Variants in DLC1 observed in about 807,000 individuals in gnomAD.
The protein encoded by DLC1 is DLC1 Rho GTPase activating protein.
In DLC1, 54 loss-of-function variants were observed where a neutral mutation model predicts 140.3. The ratio of observed to expected loss-of-function variants is 0.38; its 90% CI spans 0.31 to 0.48. The LOEUF is 0.48. DLC1 is among the 20% of genes least tolerant of loss of function. The pLI is 0.96. For missense variants in DLC1, 2,536 were observed against 1,907.0 expected (o/e 1.33, Z -6.14); for synonymous variants, 986 against 728.1 (o/e 1.35, Z -5.70).
intron 5 of DLC1, among the ~76,000 whole-genome samples, chr8:13,184,647 T>A (rs918845583): frequency 3.9e-5 from 6 of 152,202 alleles, no homozygotes; most frequent in African/African-American, 1.2e-4. Context: ...AATTTGACTG[T>A]ACTGTGGTCT....
intron 5 of DLC1, among the ~76,000 whole-genome samples, chr8:13,263,696 CATTTTT>C (rs1002639686): frequency 4.0e-5 from 6 of 150,458 alleles, no homozygotes; most frequent in African/African-American, 1.5e-4. Context: ...TTATTCATAC[CATTTTT>C]ATTTTTATGT....
chr8:13,102,758 C>G (rs370028341), intron 8 of DLC1, 32 bp downstream of exon 8: 2 of 1,589,786 alleles, frequency 1.3e-6, no homozygotes, highest in African/African-American at 2.7e-5. Flanking sequence ...CCCCTTTTCC[C>G]CCTCATTCTA....
In DLC1 at chr8:13,401,465, C is replaced by G. The variant is rs1159587345; in HGVS notation, c.1173+5G>C. ...GGGAAAAGAAGTAGAAAGTGGAAAG[C>G]TCACAGGAACGTGCCGCCGCAGGTT... On this transcript the variant is annotated splice_donor_5th_base_variant and intron_variant, in intron 3 of 17. Coordinates refer to ENST00000276297, the MANE Select transcript of DLC1 (RefSeq NM_182643.3). 1 of 1,611,654 alleles carries G rather than the reference C, an allele frequency of 6.2e-7. No homozygotes were observed. Among genetic ancestry groups the G allele is most frequent in the Admixed American group, 1.7e-5 (1 of 59,930 alleles).
chr8:13,525,910 C>T (rs1802908237), intron 1 of DLC1, among the ~76,000 whole-genome samples: 2 of 152,086 alleles, frequency 1.3e-5, no homozygotes, highest in African/African-American at 4.8e-5. Flanking sequence ...TCTAAGATCA[C>T]AAAGATTTCT....
rs116912153 is a variant in DLC1, at chr8:13,255,606, T to G, written c.1348+49663A>C. Among the ~76,000 whole-genome samples the G allele has an allele frequency of 6.8e-3, 1,033 of 152,330 alleles. 4 individuals are homozygous for G. Among genetic ancestry groups the G allele is most frequent in the Non-Finnish European group, 0.011 (743 of 68,024 alleles). ...TTCTACTTTAGCCAAGCAAGATGAC[T>G]CTGGATTTGTTGACCTTGCATGGCC... On this transcript the variant is annotated intron_variant, in intron 5 of 17. Transcript: ENST00000276297.
intron 2 of DLC1, among the ~76,000 whole-genome samples, chr8:13,483,637 T>G (rs1388532142): frequency 3.9e-5 from 6 of 152,016 alleles, no homozygotes. Flanking sequence ...GGAAAAAGTT[T>G]AAGTTTGCTG....
Position 13,600,670 on chromosome 8 carries a change from A to C in DLC1, c.-126+3867T>G, listed in dbSNP as rs78949817. On this transcript the variant is annotated intron_variant, in intron 1 of 1. Coordinates refer to the DLC1 transcript ENST00000631382. The stretch of plus-strand genomic sequence containing the variant: ...AATGAAAAGATTTTATTTTAGTTTG[A>C]TGCCTTTCAAAATCTTGGTATTTGA... 7.8e-3 allele frequency among the ~76,000 whole-genome samples: 1,188 copies of C among 151,974 alleles called. 19 individuals are homozygous for C. Among genetic ancestry groups the C allele is most frequent in the African/African-American group, 0.027 (1,111 of 41,538 alleles).
chr8:13,602,719 G>T (rs1805929863), intron 1 of DLC1, among the ~76,000 whole-genome samples: 1 of 151,710 alleles, frequency 6.6e-6, no homozygotes, highest in South Asian at 2.1e-4. Context: ...TTTTTCCCCA[G>T]TTGCTAAAAC....
chr8:13,472,200 A>G (rs946026330), intron 2 of DLC1, among the ~76,000 whole-genome samples: 1 of 152,152 alleles, frequency 6.6e-6, no homozygotes, highest in Non-Finnish European at 1.5e-5. Flanking sequence ...TGGTTGAGAG[A>G]CTGAGAGCAA....
chr8:13,573,201 AGTGT>A lies in DLC1; in HGVS notation c.-126+31332_-126+31335del, dbSNP rs551460693. Among the ~76,000 whole-genome samples the A allele has an allele frequency of 2.8e-4, 42 of 152,182 alleles. 1 individual carries two copies. In the South Asian group the frequency reaches 8.1e-3, roughly 29 times the overall value. ...GCCTCCTTTGTTCAATGTATTCGTA[AGTGT>A]TTTATTCTTTTGGTTGCCATTGTAA... On this transcript the variant is annotated intron_variant, in intron 1 of 1. Transcript: ENST00000631382.
chr8:13,578,736 G>T (rs996079184), intron 1 of DLC1, among the ~76,000 whole-genome samples: 6 of 152,080 alleles, frequency 3.9e-5, no homozygotes, highest in Non-Finnish European at 8.8e-5. Context: ...GGCAAGGTGT[G>T]GGGGAAGGAG....
chr8:13,323,981 C>A (rs905042531), intron 4 of DLC1, among the ~76,000 whole-genome samples: 3 of 152,192 alleles, frequency 2.0e-5, no homozygotes, highest in African/African-American at 7.2e-5. Context: ...GTCCCCATGT[C>A]CTTAATGCCC....
At chr8:13,524,584 C>T (rs1316021255) in intron 1 of DLC1, among the ~76,000 whole-genome samples, 2 of 152,048 alleles carry the variant, frequency 1.3e-5, no homozygotes, top group Non-Finnish European at 2.9e-5. Context: ...CTAATACCAG[C>T]TCCTGTATTT....
intron 5 of DLC1, among the ~76,000 whole-genome samples, chr8:13,153,184 T>G (rs1350366411): frequency 6.6e-6 from 1 of 152,194 alleles, no homozygotes; most frequent in Non-Finnish European, 1.5e-5. Flanking sequence ...TTCCTTCTGG[T>G]GTTCTGACGT....
At chr8:13,348,335 T>C (rs1250354332) in intron 4 of DLC1, among the ~76,000 whole-genome samples, 2 of 152,040 alleles carry the variant, frequency 1.3e-5, no homozygotes, top group African/African-American at 4.8e-5. Context: ...ACTAAACTAG[T>C]GATATAGGCG....
At position 13,396,344 on chromosome 8, in the gene DLC1, C is replaced by G. The variant is rs191734682; in HGVS notation, c.1174-2651G>C. On this transcript the variant is annotated intron_variant, in intron 3 of 17. Transcript: ENST00000276297. The stretch of plus-strand genomic sequence containing the variant: ...AAAGTGCTGAGATTACAGACGTGAG[C>G]TGCTGCGCCTGGCCTTGCATTAATT... Among the ~76,000 whole-genome samples, 12 of 152,262 alleles carry G rather than the reference C, an allele frequency of 7.9e-5. No homozygotes were observed. The East Asian group carries it at 2.3e-3, about 29-fold the overall frequency.
intron 5 of DLC1, among the ~76,000 whole-genome samples, chr8:13,270,249 G>T (rs1311574785): frequency 2.6e-5 from 4 of 152,116 alleles, no homozygotes; most frequent in Non-Finnish European, 4.4e-5. Flanking sequence ...TTCGATTTTG[G>T]ACATATCTAG....
intron 2 of DLC1, among the ~76,000 whole-genome samples, chr8:13,424,424 G>T (rs1838459905): frequency 6.6e-6 from 1 of 152,074 alleles, no homozygotes; most frequent in African/African-American, 2.4e-5. Flanking sequence ...TGGAGGCAGA[G>T]GTTGCAGTGA....
intron 2 of DLC1, among the ~76,000 whole-genome samples, chr8:13,446,621 A>G (rs1285580227): frequency 1.3e-5 from 2 of 152,038 alleles, no homozygotes; most frequent in Non-Finnish European, 2.9e-5. Context: ...GGGGAGGAGG[A>G]GAGGGAAGGG....
Sources: gnomAD v4.1 joint callset for allele counts (sites outside exome capture counted in the v4.1 genomes callset) on GRCh38, gnomAD v4.1.1 for gene constraint, MANE v1.5 for transcripts, NCBI Gene and HGNC (gene_info 2026-07-23, HGNC 2026-07-21) for gene names.